CCDC138: variants seen among roughly 807,000 people sequenced by gnomAD.
CCDC138 encodes the protein coiled-coil domain containing 138.
In CCDC138, 66 loss-of-function variants were observed where a neutral mutation model predicts 82.3. That is an observed-to-expected ratio of 0.80 (90% CI 0.66 to 0.98). The LOEUF (loss-of-function observed/expected upper bound fraction) is 0.98, where lower values mean the gene tolerates loss of function less well. Ranked by LOEUF, CCDC138 falls within the 50% of genes least tolerant of loss-of-function variation. CCDC138 has a pLI of 0.00. For synonymous variants in CCDC138, 297 were observed against 265.4 expected, an observed-to-expected ratio of 1.12 and a Z score of -1.16; for missense variants, 816 against 758.9, an observed-to-expected ratio of 1.08 and a Z score of -0.88.
intron 4 of CCDC138, among the ~76,000 whole-genome samples, chr2:108,792,265 G>A (rs1248891483): frequency 2.0e-5 from 3 of 152,110 alleles, no homozygotes; most frequent in East Asian, 1.9e-4. Context: ...TAATACTGGT[G>A]CTGGTATTAT....
intron 7 of CCDC138, among the ~76,000 whole-genome samples, chr2:108,805,626 C>T (rs1388427216): frequency 6.6e-6 from 1 of 151,870 alleles, no homozygotes; most frequent in African/African-American, 2.4e-5. Context: ...ACTCGGGAGG[C>T]TGAGGCAGGA....
Position 108,788,880 on chromosome 2 carries a change from A to G in CCDC138, c.180A>G (p.Lys60=). 1 of 1,613,966 alleles carries G rather than the reference A, an allele frequency of 6.2e-7. No individual in the cohort carries two copies. Among genetic ancestry groups the G allele is most frequent in the South Asian group, 1.1e-5 (1 of 91,076 alleles). ...PGDLDIYSGD[K]VGSSLKYSDE... Reference sequence around the variant, plus strand: ...ATTTGGATATCTACTCTGGAGATAAAGTTGGTTCATCGTTAAAATATTCTG... The same window carrying G: ...ATTTGGATATCTACTCTGGAGATAAGGTTGGTTCATCGTTAAAATATTCTG... Residue 60 remains lysine, a synonymous_variant, in exon 3 of 15, where the codon AAA becomes AAG. Coordinates refer to ENST00000295124, the MANE Select transcript of CCDC138 (RefSeq NM_144978.3).
At chr2:108,867,286 C>T (rs547255447) in intron 13 of CCDC138, among the ~76,000 whole-genome samples, 20 of 152,278 alleles carry the variant, frequency 1.3e-4, no homozygotes, top group African/African-American at 4.3e-4. Flanking sequence ...GAAGCTAGAA[C>T]TCCAGAACTG....
intron 4 of CCDC138, among the ~76,000 whole-genome samples, chr2:108,792,537 C>T (rs1387033227): frequency 1.3e-4 from 20 of 152,130 alleles, no homozygotes; most frequent in East Asian, 1.9e-4. Context: ...AAGAAATGCT[C>T]GGGCCAGGGA....
At chr2:108,870,844 T>TA (rs1195744108) in intron 13 of CCDC138, among the ~76,000 whole-genome samples, 11 of 152,302 alleles carry the variant, frequency 7.2e-5, no homozygotes, top group African/African-American at 2.6e-4. Flanking sequence ...AGTTATTGTT[T>TA]AATGTGTGCA....
chr2:108,868,964 C>T (rs2105096971), intron 13 of CCDC138, among the ~76,000 whole-genome samples: 1 of 152,006 alleles, frequency 6.6e-6, no homozygotes, highest in East Asian at 1.9e-4. Context: ...CTCTACGTTC[C>T]CAGCTGAATT....
At chr2:108,809,124 G>A (rs541815077) in intron 7 of CCDC138, among the ~76,000 whole-genome samples, 1 of 152,214 alleles carries the variant, frequency 6.6e-6, no homozygotes, top group East Asian at 1.9e-4. Context: ...TCAGTTGGCT[G>A]TAAATGTGTG....
chr2:108,870,773 TA>T (rs1695114018), intron 13 of CCDC138, among the ~76,000 whole-genome samples: 3 of 151,860 alleles, frequency 2.0e-5, no homozygotes, highest in African/African-American at 7.3e-5. Flanking sequence ...GTGCCTGGAG[TA>T]GAGAAATAAG....
At chr2:108,865,616 T>C (rs1398448338) in intron 13 of CCDC138, among the ~76,000 whole-genome samples, 8 of 152,176 alleles carry the variant, frequency 5.3e-5, no homozygotes, top group African/African-American at 1.9e-4. Context: ...CCTATCCACT[T>C]TCTTTGTTCT....
intron 10 of CCDC138, among the ~76,000 whole-genome samples, chr2:108,837,732 C>T (rs1346483931): frequency 6.6e-6 from 1 of 152,102 alleles, no homozygotes; most frequent in Non-Finnish European, 1.5e-5. Flanking sequence ...TATGTATTTA[C>T]TATTTATTGT....
At chr2:108,793,199 A>G (rs1680222317) in intron 4 of CCDC138, among the ~76,000 whole-genome samples, 1 of 151,850 alleles carries the variant, frequency 6.6e-6, no homozygotes, top group African/African-American at 2.4e-5. Context: ...CTACTAAAAA[A>G]AAAAATAACA....
At chr2:108,817,901 T>A (rs534984173) in intron 10 of CCDC138, among the ~76,000 whole-genome samples, 11 of 152,326 alleles carry the variant, frequency 7.2e-5, no homozygotes, top group Non-Finnish European at 1.5e-4. Flanking sequence ...TAGAATTTTG[T>A]CTCTTAGTAC....
chr2:108,829,418 A>G (rs1477687297), intron 10 of CCDC138, among the ~76,000 whole-genome samples: 1 of 152,204 alleles, frequency 6.6e-6, no homozygotes, highest in Non-Finnish European at 1.5e-5. Flanking sequence ...GAAATACAAA[A>G]CCACAGTAAG....
rs1479423231 is a variant in CCDC138, at chr2:108,815,409, C to T, written c.1042-532C>T. 1.4e-5 allele frequency among the ~76,000 whole-genome samples: 2 copies of T among 145,926 alleles called. 1 individual carries two copies. The highest frequency in any genetic ancestry group is 1.4e-4 in the Admixed American group (2 of 14,594). The stretch of plus-strand genomic sequence containing the variant: ...TCCTGATTATGACTTTTCTTGCCTT[C>T]TCTCAGTTGTCATTTAACATGTTTT... On this transcript the variant is annotated intron_variant, in intron 9 of 14. Transcript: ENST00000295124.
downstream of CCDC138, among the ~76,000 whole-genome samples, chr2:108,880,992 T>C (rs1351579288): frequency 6.6e-6 from 1 of 152,224 alleles, no homozygotes; most frequent in African/African-American, 2.4e-5. Flanking sequence ...AAAGAGTTGA[T>C]TCCAATACTC....
At chr2:108,826,901 C>G (rs922082919) in intron 10 of CCDC138, among the ~76,000 whole-genome samples, 2 of 152,134 alleles carry the variant, frequency 1.3e-5, no homozygotes, top group Non-Finnish European at 2.9e-5. Context: ...TTATTTAGAT[C>G]TTTTTAATTT....
downstream of CCDC138, among the ~76,000 whole-genome samples, chr2:108,877,780 G>A (rs1186697888): frequency 6.6e-6 from 1 of 152,188 alleles, no homozygotes; most frequent in African/African-American, 2.4e-5. Flanking sequence ...GATTGAAAGG[G>A]CTCATCATGT....
At chr2:108,819,679 A>T (rs1332578847) in intron 10 of CCDC138, among the ~76,000 whole-genome samples, 1 of 152,220 alleles carries the variant, frequency 6.6e-6, no homozygotes, top group Non-Finnish European at 1.5e-5. Flanking sequence ...AACTGGGCTG[A>T]TTCATGAATG....
At chr2:108,847,171 A>G (rs546967263) in intron 12 of CCDC138, among the ~76,000 whole-genome samples, 11 of 152,322 alleles carry the variant, frequency 7.2e-5, no homozygotes, top group African/African-American at 2.2e-4. Context: ...TTCCCATAAC[A>G]ACCTTTGCCT....
Sources: allele counts gnomAD v4.1 joint callset (sites outside exome capture counted in the v4.1 genomes callset), GRCh38; gene constraint gnomAD v4.1.1; transcripts MANE v1.5; gene names NCBI Gene and HGNC (gene_info 2026-07-23, HGNC 2026-07-21).